The following ERO1A variants were observed in gnomAD, a reference collection of about 807,000 sequenced individuals.
The protein encoded by ERO1A is ERO1-like protein alpha.
In ERO1A, 49 loss-of-function variants were observed where a neutral mutation model predicts 76.9. The observed-to-expected ratio is 0.64, with a 90% CI of 0.51 to 0.81. The LOEUF (loss-of-function observed/expected upper bound fraction) is 0.81, where lower values mean the gene tolerates loss of function less well. ERO1A is among the 30% of genes least tolerant of loss of function. The probability of loss-of-function intolerance (pLI) is 0.00; values close to 1 mark genes in which losing one functional copy is unlikely to be tolerated. For synonymous variants in ERO1A, 174 were observed against 181.2 expected (o/e 0.96, Z 0.32); for missense variants, 448 against 542.1 (o/e 0.83, Z 1.72).
chr14:52,678,749 G>A (rs1313041394), intron 3 of ERO1A, among the ~76,000 whole-genome samples: 11 of 152,194 alleles, frequency 7.2e-5, no homozygotes, highest in South Asian at 2.1e-4. Context: ...AAATTGTCCC[G>A]TATTTGGCCA....
At chr14:52,679,857 A>C (rs2040928097) in intron 3 of ERO1A, among the ~76,000 whole-genome samples, 1 of 152,044 alleles carries the variant, frequency 6.6e-6, no homozygotes, top group African/African-American at 2.4e-5. Context: ...TAAAGACCCC[A>C]GTGGACAACA....
intron 1 of ERO1A, among the ~76,000 whole-genome samples, chr14:52,693,125 T>A (rs915030868): frequency 6.6e-5 from 10 of 151,608 alleles, no homozygotes; most frequent in South Asian, 2.1e-4. Flanking sequence ...AATTTACTTT[T>A]TTATTATTAT....
At chr14:52,663,898 G>A (rs546681723) in intron 7 of ERO1A, 51 bp from the exon 8 acceptor site, 1 of 1,080,694 alleles carries the variant, frequency 9.3e-7, no homozygotes, top group South Asian at 1.4e-5. Context: ...TACCAATCAT[G>A]TTATATTTAA....
intron 4 of ERO1A, among the ~76,000 whole-genome samples, chr14:52,674,553 G>A (rs561857195): frequency 1.3e-5 from 2 of 152,158 alleles, no homozygotes; most frequent in East Asian, 3.8e-4. Flanking sequence ...AGTTGATAAT[G>A]ACACCATTTA....
chr14:52,669,686 G>A (rs920347463), intron 6 of ERO1A, among the ~76,000 whole-genome samples: 5 of 151,720 alleles, frequency 3.3e-5, no homozygotes, highest in East Asian at 2.0e-4. Flanking sequence ...CACACTAAAT[G>A]AGCCTCTGCT....
At chr14:52,689,227 T>TAC (rs2041276646) in intron 1 of ERO1A, among the ~76,000 whole-genome samples, 1 of 152,250 alleles carries the variant, frequency 6.6e-6, no homozygotes, top group South Asian at 2.1e-4. Context: ...GTGCTGGGAT[T>TAC]ACAGGCATGA....
intron 3 of ERO1A, 140 bp from the exon 4 acceptor site, chr14:52,678,612 T>C (rs753465017): frequency 8.6e-5 from 56 of 648,430 alleles, no homozygotes; most frequent in Non-Finnish European, 1.3e-4. Context: ...GTAGTATTCA[T>C]ATGATTGCTT....
chr14:52,683,641 CAT>C (rs1195000956), intron 2 of ERO1A, 145 bp downstream of exon 2: 1 of 391,822 alleles, frequency 2.6e-6, no homozygotes, highest in Non-Finnish European at 4.5e-6. Flanking sequence ...TTCAGAATCA[CAT>C]GCTTCACTCT....
At chr14:52,686,749 T>C (rs2025136) in intron 1 of ERO1A, among the ~76,000 whole-genome samples, 1 of 151,776 alleles carries the variant, frequency 6.6e-6, no homozygotes, top group Non-Finnish European at 1.5e-5. Flanking sequence ...GTGGCACATG[T>C]CTGTAGTCCC....
chr14:52,661,255 C>A, intron 9 of ERO1A, 38 bp downstream of exon 9: 1 of 875,326 alleles, frequency 1.1e-6, no homozygotes. Flanking sequence ...AATGTATAAA[C>A]AAATTCATAT....
At chr14:52,645,484 A>T (rs891322484) in intron 15 of ERO1A, among the ~76,000 whole-genome samples, 3 of 151,314 alleles carry the variant, frequency 2.0e-5, no homozygotes, top group Non-Finnish European at 4.4e-5. Flanking sequence ...TTTTGATTTT[A>T]GTAGAGTTGG....
intron 6 of ERO1A, among the ~76,000 whole-genome samples, chr14:52,668,753 A>G (rs2040498878): frequency 6.7e-6 from 1 of 148,430 alleles, no homozygotes; most frequent in East Asian, 1.9e-4. Flanking sequence ...CTATATTATT[A>G]TATTACAAAT....
At chr14:52,680,794 A>G (rs1414722459) in intron 3 of ERO1A, among the ~76,000 whole-genome samples, 1 of 152,214 alleles carries the variant, frequency 6.6e-6, no homozygotes, top group Non-Finnish European at 1.5e-5. Flanking sequence ...TATCTATATG[A>G]GGATTAATGT....
chr14:52,664,715 G>A (rs185145847), intron 7 of ERO1A, among the ~76,000 whole-genome samples: 4 of 150,162 alleles, frequency 2.7e-5, no homozygotes, highest in East Asian at 2.0e-4. Context: ...TTTTTGAGAC[G>A]GAGTCTCACT....
At chr14:52,693,574 C>G (rs1022103342) in intron 1 of ERO1A, among the ~76,000 whole-genome samples, 2 of 152,134 alleles carry the variant, frequency 1.3e-5, no homozygotes, top group African/African-American at 4.8e-5. Flanking sequence ...AAGCTGGTCT[C>G]GAACTCCTGG....
At chr14:52,686,080 C>T (rs2139774935) in intron 1 of ERO1A, among the ~76,000 whole-genome samples, 1 of 152,306 alleles carries the variant, frequency 6.6e-6, no homozygotes, top group Non-Finnish European at 1.5e-5. Context: ...GGCATGGTGG[C>T]CCATGCCTGT....
Position 52,671,879 on chromosome 14 carries a change from GA to G in ERO1A, c.358-9del. 2 of 1,545,068 alleles carry G rather than the reference GA, an allele frequency of 1.3e-6. No individual in the cohort carries two copies. The highest frequency in any genetic ancestry group is 1.2e-5 in the South Asian group (1 of 84,554). ...ATTGGCTTCTTCAGAATACTAAAAT[GA>G]AAAAGGGAATAAATAGATAATAACT... is the stretch of plus-strand genomic sequence containing the variant. On this transcript the variant is annotated splice_polypyrimidine_tract_variant and intron_variant, in intron 4 of 15. Transcript: ENST00000395686.
intron 3 of ERO1A, among the ~76,000 whole-genome samples, chr14:52,680,262 ATATT>A (rs2040949640): frequency 1.3e-5 from 2 of 152,140 alleles, no homozygotes; most frequent in African/African-American, 4.8e-5. Flanking sequence ...CAATAAATAT[ATATT>A]TAACATTTCT....
At chr14:52,669,450 T>G (rs1228951275) in intron 6 of ERO1A, among the ~76,000 whole-genome samples, 1 of 151,428 alleles carries the variant, frequency 6.6e-6, no homozygotes, top group Non-Finnish European at 1.5e-5. Context: ...AATAAGGGAG[T>G]TGGGAGAACA....
Sources: allele counts gnomAD v4.1 joint callset (sites outside exome capture counted in the v4.1 genomes callset), GRCh38; gene constraint gnomAD v4.1.1; transcripts MANE v1.5; gene names NCBI Gene and HGNC (gene_info 2026-07-23, HGNC 2026-07-21).